The following HPCAL1 variants were observed in gnomAD, a reference collection of about 807,000 sequenced individuals.
HPCAL1 encodes the protein hippocalcin like 1, also known as hippocalcin-like protein 1.
HPCAL1 carries 8 observed loss-of-function variants against 17.1 expected under a neutral mutation model. The observed-to-expected ratio is 0.47, with a 90% CI of 0.27 to 0.84. The LOEUF is 0.84. Among genes scored for constraint, HPCAL1 ranks in the 40% least tolerant of loss-of-function variants. The pLI is 0.13. For synonymous variants in HPCAL1, 112 were observed against 111.4 expected (o/e 1.01, Z -0.03); for missense variants, 165 against 271.1 (o/e 0.61, Z 2.75).
At chr2:10,385,892 C>T (rs542982489) in intron 1 of HPCAL1, among the ~76,000 whole-genome samples, 40 of 148,572 alleles carry the variant, frequency 2.7e-4, no homozygotes, top group Admixed American at 2.7e-4. Flanking sequence ...TTGTCGGCCT[C>T]GTGTCGGGGG....
chr2:10,422,199 G>A (rs755780667), intron 3 of HPCAL1, among the ~76,000 whole-genome samples: 1 of 152,214 alleles, frequency 6.6e-6, no homozygotes, highest in Non-Finnish European at 1.5e-5. Context: ...GGCCGGCTGG[G>A]TGGTGTTTCT....
At chr2:10,405,696 T>G (rs1302149885) in intron 2 of HPCAL1, among the ~76,000 whole-genome samples, 1 of 152,156 alleles carries the variant, frequency 6.6e-6, no homozygotes, top group African/African-American at 2.4e-5. Flanking sequence ...GCCTGGGAGC[T>G]GGCATGCCAA....
rs181967646 is a variant in HPCAL1 at position 10,323,462 on chromosome 2, G to C, written c.-111+20285G>C. ...TGGATCTGGCCCCAGGCCTGCACCT[G>C]GCCCTGGCAGTGGGCGCACGTTAGG... On this transcript the variant is annotated intron_variant, in intron 1 of 4. Transcript: ENST00000307845. This position sits in a 1 kb window ranked among gnomAD's most constrained non-coding sequence, Gnocchi z 4.6. Among the ~76,000 whole-genome samples, 10 of 152,342 alleles carry C rather than the reference G, an allele frequency of 6.6e-5. No homozygotes were observed. The highest frequency in any genetic ancestry group is 5.9e-4 in the Admixed American group (9 of 15,306).
At chr2:10,425,144 G>T (rs1671325718) in intron 4 of HPCAL1, 1 of 157,088 alleles carries the variant, frequency 6.4e-6, no homozygotes, top group African/African-American at 2.4e-5. Context: ...CTCGGCCTGA[G>T]ACAGGAGGGC....
intron 1 of HPCAL1, among the ~76,000 whole-genome samples, chr2:10,356,304 C>T (rs2125475465): frequency 6.6e-6 from 1 of 152,298 alleles, no homozygotes; most frequent in South Asian, 2.1e-4. Context: ...TTAAAGGTCA[C>T]AGGACGCCTC....
chr2:10,349,897 T>C (rs1558477783), intron 1 of HPCAL1, among the ~76,000 whole-genome samples: 1 of 152,068 alleles, frequency 6.6e-6, no homozygotes, highest in Non-Finnish European at 1.5e-5. Flanking sequence ...CTATCCACAC[T>C]GTTAATGCAT....
chr2:10,348,101 TC>T (rs1665582535), intron 1 of HPCAL1, among the ~76,000 whole-genome samples: 1 of 152,184 alleles, frequency 6.6e-6, no homozygotes. Flanking sequence ...GAGACGGACC[TC>T]TTAATCACTT....
intron 1 of HPCAL1, among the ~76,000 whole-genome samples, chr2:10,327,247 C>T (rs182591063): frequency 6.6e-6 from 1 of 152,312 alleles, no homozygotes; most frequent in East Asian, 1.9e-4. Flanking sequence ...TGCTCCAGAT[C>T]GTGTTAAACA....
intron 2 of HPCAL1, among the ~76,000 whole-genome samples, chr2:10,399,837 C>T (rs1403871156): frequency 6.6e-6 from 1 of 152,190 alleles, no homozygotes; most frequent in Non-Finnish European, 1.5e-5. Flanking sequence ...TCCCCAGACA[C>T]TCATGCGTTC....
chr2:10,346,044 G>A (rs1665419542), intron 1 of HPCAL1, among the ~76,000 whole-genome samples: 1 of 152,134 alleles, frequency 6.6e-6, no homozygotes, highest in African/African-American at 2.4e-5. Context: ...GGGGGTGTGT[G>A]TGTCTGTGTA....
intron 1 of HPCAL1, among the ~76,000 whole-genome samples, chr2:10,360,021 G>T (rs1306858389): frequency 1.3e-5 from 2 of 152,164 alleles, no homozygotes; most frequent in East Asian, 3.9e-4. Context: ...TCACTGTGTG[G>T]GGTGTCGGGA....
chr2:10,409,055 G>C (rs1013214044), intron 2 of HPCAL1, among the ~76,000 whole-genome samples: 5 of 152,192 alleles, frequency 3.3e-5, no homozygotes, highest in African/African-American at 1.2e-4. Context: ...AATCAAGAAA[G>C]AGAAAGTATT....
At chr2:10,339,952 G>A (rs191467858) in intron 1 of HPCAL1, among the ~76,000 whole-genome samples, 1 of 152,220 alleles carries the variant, frequency 6.6e-6, no homozygotes, top group South Asian at 2.1e-4. Flanking sequence ...GTGTATGTGA[G>A]GGGTATGGGG....
Position 10,304,626 on chromosome 2 carries a change from G to C in HPCAL1, c.-111+1449G>C, listed in dbSNP as rs1662500537. Reference sequence around the variant, plus strand: ...CTACTAGTCGTAAAATTGAACCGCAGTGAACGAGCACCCAGCTCTTACCAC... The same window carrying C: ...CTACTAGTCGTAAAATTGAACCGCACTGAACGAGCACCCAGCTCTTACCAC... On this transcript the variant is annotated intron_variant, in intron 1 of 4. Coordinates refer to ENST00000307845, the MANE Select transcript of HPCAL1 (RefSeq NM_002149.4). The surrounding 1 kb of genome is among the most constrained non-coding windows in gnomAD (Gnocchi z 4.1). Among the ~76,000 whole-genome samples, 1 of 152,338 alleles carries C rather than the reference G, an allele frequency of 6.6e-6. No homozygotes were observed. Among genetic ancestry groups the C allele is most frequent in the East Asian group, 1.9e-4 (1 of 5,188 alleles).
intron 1 of HPCAL1, among the ~76,000 whole-genome samples, chr2:10,357,132 G>C (rs1336685106): frequency 6.6e-6 from 1 of 152,108 alleles, no homozygotes; most frequent in Admixed American, 6.5e-5. Flanking sequence ...AGATGGTGAT[G>C]CTGTCCAGGC....
chr2:10,397,196 G>T (rs929770992), intron 2 of HPCAL1, among the ~76,000 whole-genome samples: 2 of 152,030 alleles, frequency 1.3e-5, no homozygotes, highest in South Asian at 4.1e-4. Flanking sequence ...GGTAAATCGC[G>T]TGACCTTCGG....
chr2:10,382,757 C>T (rs1230934434), intron 1 of HPCAL1, among the ~76,000 whole-genome samples: 4 of 152,190 alleles, frequency 2.6e-5, no homozygotes, highest in Admixed American at 6.5e-5. Context: ...CCGTGTGGGA[C>T]CCAGTGAAGA....
At chr2:10,348,314 T>C (rs140610418) in intron 1 of HPCAL1, among the ~76,000 whole-genome samples, 1,715 of 152,152 alleles carry the variant, frequency 0.011, 40 homozygotes, top group African/African-American at 0.038. Flanking sequence ...CTGGGCATGG[T>C]GGTACACACC....
At chr2:10,405,006 C>T (rs990291789) in intron 2 of HPCAL1, among the ~76,000 whole-genome samples, 2 of 152,206 alleles carry the variant, frequency 1.3e-5, no homozygotes, top group Middle Eastern at 3.2e-3. Flanking sequence ...TGTGCCAATA[C>T]CCCAGGCATC....
Sources: gnomAD v4.1 joint callset for allele counts (sites outside exome capture counted in the v4.1 genomes callset) on GRCh38, gnomAD v4.1.1 for gene constraint, Gnocchi (gnomAD v3.1) non-coding constraint, MANE v1.5 for transcripts, NCBI Gene and HGNC (gene_info 2026-07-23, HGNC 2026-07-21) for gene names.